TUSC3: variants seen among roughly 807,000 people sequenced by gnomAD.
TUSC3 encodes the protein tumor suppressor candidate 3.
Under a neutral mutation model 44.8 loss-of-function variants are expected in TUSC3, and 45 were observed. The observed-to-expected ratio is 1.00, with a 90% CI of 0.79 to 1.29. The LOEUF (loss-of-function observed/expected upper bound fraction) is 1.29. TUSC3 is among the 50% of genes most tolerant of loss of function. TUSC3 has a pLI of 0.00. For missense variants in TUSC3, 519 were observed against 437.9 expected (o/e 1.19, Z -1.65); for synonymous variants, 212 against 152.9 (o/e 1.39, Z -2.85).
At chr8:15,614,096 AGACTT>A (rs1804884775) in intron 1 of TUSC3, among the ~76,000 whole-genome samples, 4 of 152,038 alleles carry the variant, frequency 2.6e-5, no homozygotes, top group African/African-American at 9.7e-5. Flanking sequence ...TCTCCCCTAA[AGACTT>A]GAGAATTCTC....
In TUSC3 at chr8:15,650,789, A is replaced by G; in HGVS notation, c.401A>G (p.Asp134Gly). ...NKLFFSMVDY[D>G]EGTDVFQQLN... ...CTCTTCTTCAGTATGGTGGACTATG[A>G]TGAGGGGACAGACGTTTTTCAGCAG... The change falls in exon 3 of 11, where the codon GAT becomes GGT. Residue 134 changes from aspartate (D) to glycine (G), a missense_variant. Transcript: ENST00000503731. The G allele has an allele frequency of 6.2e-7, 1 of 1,614,116 alleles. No homozygotes were observed. The highest frequency in any genetic ancestry group is 8.5e-7 in the Non-Finnish European group (1 of 1,180,006).
chr8:15,695,627 A>T (rs1437056129), intron 6 of TUSC3, among the ~76,000 whole-genome samples: 1 of 152,208 alleles, frequency 6.6e-6, no homozygotes, highest in Non-Finnish European at 1.5e-5. Flanking sequence ...GGGGCTTTAG[A>T]AGAAGACAGG....
intron 6 of TUSC3, among the ~76,000 whole-genome samples, chr8:15,725,143 T>A (rs888871203): frequency 1.3e-5 from 2 of 152,210 alleles, no homozygotes; most frequent in Non-Finnish European, 2.9e-5. Context: ...GAAGCATTTT[T>A]AATTTTTTTT....
intron 1 of TUSC3, among the ~76,000 whole-genome samples, chr8:15,546,107 C>T (rs1038610096): frequency 6.6e-6 from 1 of 151,730 alleles, no homozygotes; most frequent in South Asian, 2.1e-4. Flanking sequence ...TGTGTATGCA[C>T]ATATTTGCAT....
chr8:15,742,863 C>T (rs1020722497), intron 7 of TUSC3, among the ~76,000 whole-genome samples: 2 of 152,064 alleles, frequency 1.3e-5, no homozygotes, highest in African/African-American at 4.8e-5. Flanking sequence ...TGAAAATTTC[C>T]CATTTTCTTA....
intron 1 of TUSC3, among the ~76,000 whole-genome samples, chr8:15,599,728 G>T (rs1286927898): frequency 2.8e-5 from 4 of 144,960 alleles, no homozygotes; most frequent in Non-Finnish European, 6.0e-5. Flanking sequence ...TCAAAGATCA[G>T]TTGATTATGT....
intron 1 of TUSC3, among the ~76,000 whole-genome samples, chr8:15,621,876 A>G (rs759432974): frequency 3.3e-5 from 5 of 151,342 alleles, no homozygotes; most frequent in Admixed American, 6.6e-5. Context: ...GCAGGTTACT[A>G]TGCTCTTTGG....
At chr8:15,422,972 A>T (rs1032059040) in intron 1 of TUSC3, among the ~76,000 whole-genome samples, 2 of 152,168 alleles carry the variant, frequency 1.3e-5, no homozygotes, top group Non-Finnish European at 2.9e-5. Context: ...TACCTATGCC[A>T]CAGTGTATTT....
chr8:15,502,153 G>T (rs932422866), intron 2 of TUSC3, among the ~76,000 whole-genome samples: 2 of 152,190 alleles, frequency 1.3e-5, no homozygotes, highest in African/African-American at 2.4e-5. Context: ...TGTAAACACT[G>T]TTCACGTGTA....
intron 1 of TUSC3, among the ~76,000 whole-genome samples, chr8:15,580,960 A>C (rs1803303523): frequency 9.6e-6 from 1 of 104,290 alleles, no homozygotes; most frequent in Admixed American, 1.1e-4. Flanking sequence ...TACACCAATC[A>C]GACGTAGATT....
At chr8:15,809,075 A>C in the TUSC3 span, among the ~76,000 whole-genome samples, 1 of 152,176 alleles carries the variant, frequency 6.6e-6, no homozygotes, top group Non-Finnish European at 1.5e-5. Flanking sequence ...GAAAGCCAGC[A>C]AACCCAGATG....
chr8:15,708,780 T>A (rs1431966800), intron 6 of TUSC3, among the ~76,000 whole-genome samples: 1 of 151,938 alleles, frequency 6.6e-6, no homozygotes, highest in African/African-American at 2.4e-5. Flanking sequence ...CTTTACAAGA[T>A]ACGTGGAGTC....
At chr8:15,782,387 G>T in the TUSC3 span, among the ~76,000 whole-genome samples, 1 of 152,094 alleles carries the variant, frequency 6.6e-6, no homozygotes, top group African/African-American at 2.4e-5. Flanking sequence ...GGTGAGGCAG[G>T]AGAATCAGTT....
At chr8:15,448,472 T>C (rs546682424) in intron 1 of TUSC3, among the ~76,000 whole-genome samples, 2 of 152,240 alleles carry the variant, frequency 1.3e-5, no homozygotes, top group East Asian at 3.9e-4. Flanking sequence ...AGCATAACTT[T>C]TGGAGATTTT....
the TUSC3 span, among the ~76,000 whole-genome samples, chr8:15,787,753 T>G: frequency 6.6e-6 from 1 of 152,196 alleles, no homozygotes; most frequent in African/African-American, 2.4e-5. Flanking sequence ...TATTCTAGAT[T>G]GAAAGTGTCC....
chr8:15,817,034 G>T, the TUSC3 span, among the ~76,000 whole-genome samples: 1 of 152,218 alleles, frequency 6.6e-6, no homozygotes, highest in Admixed American at 6.5e-5. Flanking sequence ...TTTGGAACTT[G>T]CTTTTTAAAA....
upstream of TUSC3, among the ~76,000 whole-genome samples, chr8:15,538,916 C>T (rs531665611): frequency 2.0e-5 from 3 of 151,876 alleles, no homozygotes; most frequent in African/African-American, 4.8e-5. Flanking sequence ...GTAGCATGAT[C>T]GGAACTCACT....
At chr8:15,769,281 G>A (rs540718158), downstream of TUSC3, among the ~76,000 whole-genome samples, 15 of 151,964 alleles carry the variant, frequency 9.9e-5, no homozygotes, top group East Asian at 7.7e-4. Flanking sequence ...AATACCACAC[G>A]TCTACAACCA....
At chr8:15,806,732 GC>G in the TUSC3 span, 6 of 789,014 alleles carry the variant, frequency 7.6e-6, no homozygotes, top group African/African-American at 3.4e-5. Context: ...AGCCAGAGAG[GC>G]TTTCACATGC....
Sources: gnomAD v4.1 joint callset for allele counts (sites outside exome capture counted in the v4.1 genomes callset) on GRCh38, gnomAD v4.1.1 for gene constraint, MANE v1.5 for transcripts, NCBI Gene and HGNC (gene_info 2026-07-23, HGNC 2026-07-21) for gene names.